The following TESMIN variants were observed in gnomAD, a reference collection of about 807,000 sequenced individuals.
The protein encoded by TESMIN is CXC domain containing 2.
Under a neutral mutation model 47.4 loss-of-function variants are expected in TESMIN, and 34 were observed. That is an observed-to-expected ratio of 0.72 (90% CI 0.55 to 0.96). The LOEUF is 0.96. TESMIN is among the 40% of genes least tolerant of loss of function. The pLI, the probability that TESMIN is intolerant of heterozygous loss-of-function variation, is 0.00. For synonymous variants in TESMIN, 278 were observed against 258.9 expected (o/e 1.07, Z -0.71); for missense variants, 610 against 637.2 (o/e 0.96, Z 0.46).
intron 6 of TESMIN, among the ~76,000 whole-genome samples, chr11:68,734,570 T>C (rs1289550171): frequency 6.6e-6 from 1 of 152,242 alleles, no homozygotes; most frequent in Non-Finnish European, 1.5e-5. Flanking sequence ...GTGACAGGGC[T>C]GTCCCTGTGC....
chr11:68,726,076 T>C (rs777082947), intron 6 of TESMIN, among the ~76,000 whole-genome samples: 32 of 152,104 alleles, frequency 2.1e-4, no homozygotes, highest in Non-Finnish European at 4.1e-4. Flanking sequence ...TACAAGGACA[T>C]GTGTGATCTG....
intron 4 of TESMIN, among the ~76,000 whole-genome samples, chr11:68,743,446 G>A (rs11228338): frequency 4.0e-5 from 6 of 151,492 alleles, no homozygotes; most frequent in African/African-American, 9.7e-5. Context: ...ACAGGGTTTC[G>A]CCATGGTACC....
At chr11:68,736,944 C>T (rs1365135824) in intron 6 of TESMIN, 1 of 985,244 alleles carries the variant, frequency 1.0e-6, no homozygotes, top group Non-Finnish European at 1.2e-6. Flanking sequence ...CACATAGAAG[C>T]CTCAGAGGGT....
chr11:68,723,187 C>G (rs1177070617), intron 6 of TESMIN, among the ~76,000 whole-genome samples: 3 of 151,878 alleles, frequency 2.0e-5, no homozygotes, highest in Non-Finnish European at 4.4e-5. Context: ...AATTGACGTA[C>G]AGACTACATT....
At chr11:68,726,720 T>C (rs2153991412) in intron 6 of TESMIN, among the ~76,000 whole-genome samples, 1 of 152,254 alleles carries the variant, frequency 6.6e-6, no homozygotes, top group South Asian at 2.1e-4. Context: ...ATTAATCTAG[T>C]TAATTAGAGA....
intron 6 of TESMIN, among the ~76,000 whole-genome samples, chr11:68,729,286 G>A (rs1035401694): frequency 6.6e-6 from 1 of 152,194 alleles, no homozygotes; most frequent in Non-Finnish European, 1.5e-5. Flanking sequence ...AGTACTTTGG[G>A]AGGCTGAGGC....
rs1249551903 is a variant in TESMIN at position 68,710,899 on chromosome 11, C to T, written c.1309G>A (p.Gly437Arg). ...CTATCGTGACTGAATCTTGGAAGTC[C>T]TGAAAATTTCGTTGGTGGCAGGTAA... Reference protein sequence around the residue: ...SHYLPPTKFSGLPRFSHDRRP... With the variant: ...SHYLPPTKFSRLPRFSHDRRP... The change falls in exon 9 of 10, where the codon GGA becomes AGA. Residue 437 changes from glycine to arginine, a missense_variant. By Grantham distance (125) the Gly-to-Arg change is moderately radical. Transcript: ENST00000255087. The T allele has an allele frequency of 4.3e-6, 7 of 1,613,244 alleles. No homozygotes were observed. Among genetic ancestry groups the T allele is most frequent in the Non-Finnish European group, 4.2e-6 (5 of 1,179,818 alleles).
intron 5 of TESMIN, among the ~76,000 whole-genome samples, chr11:68,742,093 G>A (rs1432911154): frequency 1.3e-5 from 2 of 152,212 alleles, no homozygotes; most frequent in African/African-American, 2.4e-5. Flanking sequence ...GCAGGAAAGG[G>A]CAAAAGGGCT....
chr11:68,740,547 G>A (rs997521673), intron 5 of TESMIN, among the ~76,000 whole-genome samples: 3 of 152,192 alleles, frequency 2.0e-5, no homozygotes, highest in African/African-American at 7.2e-5. Flanking sequence ...AGCAGAGAAA[G>A]GAAGGCCAGC....
chr11:68,722,888 C>T (rs1946219311), intron 6 of TESMIN, among the ~76,000 whole-genome samples: 1 of 152,142 alleles, frequency 6.6e-6, no homozygotes, highest in Non-Finnish European at 1.5e-5. Context: ...TTTGTATGAC[C>T]TTCATGCTAT....
chr11:68,742,868 C>CT lies in TESMIN; in HGVS notation c.752-475dup, dbSNP rs1164306131. Among the ~76,000 whole-genome samples, 1,144 of 146,256 alleles carry CT rather than the reference C, an allele frequency of 7.8e-3. 3 individuals are homozygous for CT. The highest frequency in any genetic ancestry group is 0.012 in the African/African-American group (466 of 40,154). On this transcript the variant is annotated intron_variant, in intron 4 of 9. Transcript: ENST00000255087. ...AGCTTCGCTGGATATTTTATGTTTT[C>CT]TTTTTTTTTTTTCTTTTTGCTTTTT... is the stretch of plus-strand genomic sequence containing the variant.
intron 6 of TESMIN, among the ~76,000 whole-genome samples, chr11:68,729,467 G>A (rs150775717): frequency 7.9e-5 from 12 of 151,902 alleles, no homozygotes; most frequent in African/African-American, 2.9e-4. Context: ...GGAGGTTACA[G>A]TGAGCCAAGA....
intron 6 of TESMIN, among the ~76,000 whole-genome samples, chr11:68,721,397 A>C (rs1946201728): frequency 6.6e-6 from 1 of 152,110 alleles, no homozygotes; most frequent in African/African-American, 2.4e-5. Context: ...CTCCTCAGGG[A>C]AGCCTTCCCC....
chr11:68,718,679 G>A (rs1946170325), intron 6 of TESMIN, among the ~76,000 whole-genome samples: 1 of 152,176 alleles, frequency 6.6e-6, no homozygotes, highest in Admixed American at 6.5e-5. Flanking sequence ...AAGACAGCAT[G>A]AGCACATTCT....
At chr11:68,722,775 C>T (rs994978375) in intron 6 of TESMIN, among the ~76,000 whole-genome samples, 2 of 152,056 alleles carry the variant, frequency 1.3e-5, no homozygotes, top group Admixed American at 6.6e-5. Flanking sequence ...GCAACATTAC[C>T]GTCGGACAGA....
downstream of TESMIN, among the ~76,000 whole-genome samples, chr11:68,706,022 CAAAAAAAAAAAA>C (rs11306603): frequency 7.1e-5 from 6 of 84,426 alleles, no homozygotes; most frequent in African/African-American, 2.4e-4. Flanking sequence ...GACTCCGTCT[CAAAAAAAAAAAA>C]AAAAAAAAAA....
chr11:68,716,957 C>G (rs1946147016), intron 6 of TESMIN, among the ~76,000 whole-genome samples: 1 of 152,166 alleles, frequency 6.6e-6, no homozygotes, highest in African/African-American at 2.4e-5. Flanking sequence ...CCGCCTTCTC[C>G]CCATGTGCCA....
At chr11:68,712,028 A>T (rs114654749) in intron 8 of TESMIN, among the ~76,000 whole-genome samples, 113 of 152,334 alleles carry the variant, frequency 7.4e-4, no homozygotes, top group African/African-American at 2.6e-3. Flanking sequence ...ATGCATCTTC[A>T]GGGGGATGCG....
At chr11:68,743,229 AACT>A (rs1946479581) in intron 4 of TESMIN, among the ~76,000 whole-genome samples, 2 of 148,248 alleles carry the variant, frequency 1.3e-5, no homozygotes, top group Non-Finnish European at 1.5e-5. Context: ...ATACCACAGG[AACT>A]ACTTTTTTTT....
Sources: allele counts gnomAD v4.1 joint callset (sites outside exome capture counted in the v4.1 genomes callset), GRCh38; gene constraint gnomAD v4.1.1; transcripts MANE v1.5; gene names NCBI Gene and HGNC (gene_info 2026-07-23, HGNC 2026-07-21).